The following SNHG17 variants were observed in gnomAD, a reference collection of about 807,000 sequenced individuals.
SNHG17 encodes the protein small nucleolar RNA host gene 17, also known as small nucleolar RNA host gene 17 (non-protein coding).
intron 2 of SNHG17, chr20:38,433,982 C>G (rs745413323): frequency 1.9e-6 from 1 of 519,106 alleles, no homozygotes; most frequent in Non-Finnish European, 3.8e-6. Flanking sequence ...AGCCCACGAT[C>G]ACTTTCGAAT....
chr20:38,423,749 A>G (rs985196043), intron 5 of SNHG17, among the ~76,000 whole-genome samples: 2 of 152,118 alleles, frequency 1.3e-5, no homozygotes, highest in Non-Finnish European at 2.9e-5. Flanking sequence ...CACACACACT[A>G]AAAACGGTGA....
intron 3 of SNHG17, chr20:38,427,231 G>GC (rs754614734): frequency 8.5e-5 from 32 of 374,534 alleles, no homozygotes; most frequent in Non-Finnish European, 9.2e-5. Context: ...TAAGCATGAT[G>GC]CCCCCCCGCA....
exon 1 of SNHG17, chr20:38,435,226 G>T: frequency 8.1e-7 from 1 of 1,232,008 alleles, no homozygotes; most frequent in Non-Finnish European, 1.0e-6. Context: ...TGGCGGCGGA[G>T]ACCTGACAGA....
In SNHG17 at chr20:38,424,352, T is replaced by C. The variant is rs1277824176; in HGVS notation, n.579+1583A>G. ...GCATTCATACATCTGACTATACCTA[T>C]AGCATATTGTCTCCCCCGATTACTA... On this transcript the variant is annotated intron_variant and non_coding_transcript_variant, in intron 5 of 8. Coordinates refer to ENST00000654008, the Ensembl canonical transcript of SNHG17. Among the ~76,000 whole-genome samples the C allele has an allele frequency of 5.3e-5, 8 of 151,792 alleles. No homozygotes were observed. The East Asian group carries it at 1.4e-3, about 26-fold the overall frequency.
chr20:38,422,510 ACTAT>A (rs1162093697), intron 5 of SNHG17, among the ~76,000 whole-genome samples: 1 of 152,300 alleles, frequency 6.6e-6, no homozygotes, highest in African/African-American at 2.4e-5. Flanking sequence ...AGGTCGGCAA[ACTAT>A]CTGTGAGAAA....
At chr20:38,425,673 A>G (rs1280941524) in intron 5 of SNHG17, among the ~76,000 whole-genome samples, 2 of 152,150 alleles carry the variant, frequency 1.3e-5, no homozygotes, top group African/African-American at 4.8e-5. Flanking sequence ...CACTACTCAA[A>G]TGCTTCCCTC....
In SNHG17 at chr20:38,435,318, G is replaced by A. The variant is rs889091025; in HGVS notation, n.64C>T. 22 of 1,231,200 alleles carry A rather than the reference G, an allele frequency of 1.8e-5. No homozygotes were observed. In the East Asian group the frequency reaches 3.8e-4, roughly 21 times the overall value. The allele number at this position is 1,231,200 out of a possible 1,614,324, so 76.3% of individuals were successfully genotyped here. On this transcript the variant is annotated non_coding_transcript_exon_variant, in exon 1 of 9. Transcript: ENST00000654008. ...GCGATGGCGAAGGACGGCGAGGGAC[G>A]GCGAAGGACTGAGGCCACACGACAA... is the stretch of plus-strand genomic sequence containing the variant.
intron 2 of SNHG17, among the ~76,000 whole-genome samples, chr20:38,432,700 C>A (rs755432248): frequency 2.6e-5 from 4 of 152,206 alleles, no homozygotes; most frequent in Non-Finnish European, 4.4e-5. Context: ...CAACTGAAGT[C>A]TTTTTTGTTG....
chr20:38,434,968 G>C (rs749167515), intron 1 of SNHG17: 17 of 1,228,818 alleles, frequency 1.4e-5, no homozygotes, highest in Non-Finnish European at 1.6e-5. Context: ...GCGCGGACAG[G>C]GGGTCTGACG....
intron 2 of SNHG17, among the ~76,000 whole-genome samples, chr20:38,432,805 C>T (rs1221862266): frequency 1.3e-5 from 2 of 152,200 alleles, no homozygotes; most frequent in Non-Finnish European, 2.9e-5. Context: ...TGGCGCATGC[C>T]ACCACACCTG....
chr20:38,426,095 A>G (rs2084244109), intron 4 of SNHG17: 1 of 151,750 alleles, frequency 6.6e-6, no homozygotes, highest in Admixed American at 6.6e-5. Flanking sequence ...AAATCACTTC[A>G]TAACAAGGAT....
intron 3 of SNHG17, chr20:38,427,254 T>C (rs1456532400): frequency 4.6e-6 from 2 of 431,072 alleles, no homozygotes; most frequent in African/African-American, 2.0e-5. Flanking sequence ...GACTTTCATG[T>C]GGCAGCCAAG....
At chr20:38,429,517 C>A in intron 3 of SNHG17, 1 of 287,546 alleles carries the variant, frequency 3.5e-6, no homozygotes, top group Non-Finnish European at 6.7e-6. Flanking sequence ...AGCTCCACAC[C>A]CAGCCCTTCT....
At chr20:38,435,099 C>T in intron 1 of SNHG17, 1 of 1,232,264 alleles carries the variant, frequency 8.1e-7, no homozygotes, top group Non-Finnish European at 1.0e-6. Flanking sequence ...GACACTGCAC[C>T]AAGGACAGGG....
intron 2 of SNHG17, chr20:38,433,955 A>ATGACCAGGGCTGC (rs1237518918): frequency 1.9e-6 from 1 of 519,108 alleles, no homozygotes; most frequent in African/African-American, 1.9e-5. Flanking sequence ...TGCACTATCA[A>ATGACCAGGGCTGC]TGACCAGGGC....
At chr20:38,431,431 G>A (rs2084340124) in intron 2 of SNHG17, among the ~76,000 whole-genome samples, 1 of 152,188 alleles carries the variant, frequency 6.6e-6, no homozygotes, top group Non-Finnish European at 1.5e-5. Context: ...TGTTGAAATT[G>A]GAGACCAACG....
At chr20:38,424,668 A>T (rs1400172907) in intron 5 of SNHG17, among the ~76,000 whole-genome samples, 4 of 152,208 alleles carry the variant, frequency 2.6e-5, no homozygotes, top group Non-Finnish European at 5.9e-5. Flanking sequence ...AAGCAAACCA[A>T]CAATTCCCAG....
At chr20:38,434,171 A>G (rs552566123) in intron 2 of SNHG17, among the ~76,000 whole-genome samples, 8 of 152,238 alleles carry the variant, frequency 5.3e-5, no homozygotes, top group African/African-American at 1.9e-4. Flanking sequence ...TTCTGGTAAA[A>G]ATGCCTCGGC....
At chr20:38,427,806 C>T (rs2084274944) in intron 3 of SNHG17, 1 of 153,916 alleles carries the variant, frequency 6.5e-6, no homozygotes, top group African/African-American at 2.4e-5. Flanking sequence ...TCACTGGACA[C>T]AGTCTCTCCG....
Sources: gnomAD v4.1 joint callset for allele counts (sites outside exome capture counted in the v4.1 genomes callset) on GRCh38, gnomAD v4.1.1 for gene constraint, MANE v1.5 for transcripts, NCBI Gene and HGNC (gene_info 2026-07-23, HGNC 2026-07-21) for gene names.